CSNK1G1: variants seen among roughly 807,000 people sequenced by gnomAD.
CSNK1G1 encodes casein kinase I isoform gamma-1.
In CSNK1G1, 22 loss-of-function variants were observed where a neutral mutation model predicts 59.6. That is an observed-to-expected ratio of 0.37 (90% CI 0.26 to 0.53). CSNK1G1 has a LOEUF of 0.53. Among genes scored for constraint, CSNK1G1 ranks in the 20% least tolerant of loss-of-function variants. The probability of loss-of-function intolerance (pLI) is 0.89; values close to 1 mark genes in which losing one functional copy is unlikely to be tolerated. For missense variants in CSNK1G1, 384 were observed against 519.5 expected (o/e 0.74, Z 2.54); for synonymous variants, 179 against 177.1 (o/e 1.01, Z -0.08).
At chr15:64,250,534 A>C (rs1892016487) in intron 4 of CSNK1G1, among the ~76,000 whole-genome samples, 1 of 152,190 alleles carries the variant, frequency 6.6e-6, no homozygotes. Context: ...ACTTGAGCCC[A>C]GGAGTTCAAG....
At chr15:64,345,529 A>T (rs564624131) in intron 1 of CSNK1G1, among the ~76,000 whole-genome samples, 1 of 152,202 alleles carries the variant, frequency 6.6e-6, no homozygotes, top group Non-Finnish European at 1.5e-5. Context: ...GCCCCTTTAC[A>T]ACCTGAAACA....
At chr15:64,206,997 C>T (rs1312427178) in intron 7 of CSNK1G1, among the ~76,000 whole-genome samples, 1 of 152,072 alleles carries the variant, frequency 6.6e-6, no homozygotes, top group South Asian at 2.1e-4. Flanking sequence ...CAGAAATTCC[C>T]TTACATACTG....
intron 4 of CSNK1G1, among the ~76,000 whole-genome samples, chr15:64,217,260 T>TATA (rs1213202598): frequency 2.0e-5 from 3 of 152,178 alleles, no homozygotes; most frequent in Non-Finnish European, 4.4e-5. Flanking sequence ...AGGGAGTCTC[T>TATA]ATAGTTTTTT....
intron 4 of CSNK1G1, among the ~76,000 whole-genome samples, chr15:64,233,308 G>C (rs1351611951): frequency 6.6e-6 from 1 of 152,124 alleles, no homozygotes; most frequent in East Asian, 1.9e-4. Flanking sequence ...GTGTAAAATA[G>C]AAATGTTTTT....
intron 10 of CSNK1G1, among the ~76,000 whole-genome samples, chr15:64,187,968 G>A (rs757846742): frequency 1.3e-5 from 2 of 152,136 alleles, no homozygotes; most frequent in Non-Finnish European, 2.9e-5. Context: ...CAGCTTATGC[G>A]TTAAGGCACA....
Position 64,214,025 on chromosome 15 carries a change from C to T in CSNK1G1, c.544G>A (p.Val182Ile). 1 of 1,614,074 alleles carries T rather than the reference C, an allele frequency of 6.2e-7. No homozygotes were observed. Among genetic ancestry groups the T allele is most frequent in the Non-Finnish European group, 8.5e-7 (1 of 1,179,966 alleles). ...IGRQGNKKEH[V>I]IHIIDFGLAK... The stretch of plus-strand genomic sequence containing the variant: ...AGTCCAAAGTCTATAATGTGTATAA[C>T]ATGCTCTTTCTTATTGCCTTGTCGA... The change falls in exon 6 of 12, where the codon GTT becomes ATT. Residue 182 changes from valine (V) to isoleucine (I), a missense_variant. Physicochemically the swap from Val to Ile is conservative, Grantham distance 29 (BLOSUM62 3). Around this residue, in one of 3 missense-constraint regions of CSNK1G1, gnomAD observed 325 missense variants for 440.9 expected, o/e 0.74. Transcript: ENST00000303052. This position sits in a 1 kb window ranked among gnomAD's most constrained non-coding sequence, Gnocchi z 4.3.
In CSNK1G1 at chr15:64,320,283, C is replaced by T. The variant is rs191330019; in HGVS notation, c.-224-19560G>A. On this transcript the variant is annotated intron_variant, in intron 1 of 11. Transcript: ENST00000303052. ...AAGAGGTTACAACGCTCAGAAGTACCGGATATTGATTCTTTACTGGGAAGG... is the reference window on the plus strand; with the variant it reads ...AAGAGGTTACAACGCTCAGAAGTACTGGATATTGATTCTTTACTGGGAAGG... Among the ~76,000 whole-genome samples, 49 of 152,140 alleles carry T rather than the reference C, an allele frequency of 3.2e-4. No individual in the cohort carries two copies. The East Asian group carries it at 7.7e-3, about 24-fold the overall frequency.
At chr15:64,224,506 G>A (rs369462806) in intron 4 of CSNK1G1, among the ~76,000 whole-genome samples, 17 of 152,068 alleles carry the variant, frequency 1.1e-4, no homozygotes, top group Non-Finnish European at 2.1e-4. Context: ...GAGATAATAC[G>A]TAGTATATCT....
At chr15:64,285,376 T>C (rs975157591) in intron 2 of CSNK1G1, among the ~76,000 whole-genome samples, 5 of 152,022 alleles carry the variant, frequency 3.3e-5, no homozygotes, top group African/African-American at 9.7e-5. Context: ...CCAAAAAAAA[T>C]TGCCCAAACC....
chr15:64,345,522 C>T (rs542284245), intron 1 of CSNK1G1, among the ~76,000 whole-genome samples: 1 of 152,192 alleles, frequency 6.6e-6, no homozygotes, highest in Non-Finnish European at 1.5e-5. Flanking sequence ...CTATCAAGCC[C>T]CTTTACAACC....
chr15:64,178,762 G>A (rs1194611489), intron 11 of CSNK1G1, among the ~76,000 whole-genome samples: 1 of 151,936 alleles, frequency 6.6e-6, no homozygotes, highest in Non-Finnish European at 1.5e-5. Flanking sequence ...TTACACGTGT[G>A]AGCCACTGCA....
chr15:64,251,403 G>A (rs1596161116), intron 4 of CSNK1G1, 109 bp downstream of exon 4: 1 of 701,218 alleles, frequency 1.4e-6, no homozygotes, highest in South Asian at 1.8e-5. Context: ...GCAAGCAGGG[G>A]AGATAGATGG....
At chr15:64,292,447 C>G (rs1027542773) in intron 2 of CSNK1G1, among the ~76,000 whole-genome samples, 2 of 152,110 alleles carry the variant, frequency 1.3e-5, no homozygotes, top group African/African-American at 4.8e-5. Context: ...CATCAGACAC[C>G]AAAGATGGAA....
At position 64,231,341 on chromosome 15, in the gene CSNK1G1, T is replaced by A. The variant is rs968975745; in HGVS notation, c.293-14628A>T. On this transcript the variant is annotated intron_variant, in intron 4 of 11. Transcript: ENST00000303052. Reference sequence around the variant, plus strand: ...ACCTCATCTCCAAATATATATATATTATATATATATTTATATTTTATATTT... The same window carrying A: ...ACCTCATCTCCAAATATATATATATAATATATATATTTATATTTTATATTT... Among the ~76,000 whole-genome samples the A allele has an allele frequency of 6.1e-5, 9 of 147,198 alleles. No homozygotes were observed. The East Asian group carries it at 1.2e-3, about 19-fold the overall frequency.
At chr15:64,185,866 A>AAC (rs2140219133) in intron 10 of CSNK1G1, among the ~76,000 whole-genome samples, 1 of 151,524 alleles carries the variant, frequency 6.6e-6, no homozygotes, top group African/African-American at 2.4e-5. Flanking sequence ...CATCTCGAAA[A>AAC]AAAAAAAAAA....
intron 1 of CSNK1G1, among the ~76,000 whole-genome samples, chr15:64,353,791 G>C (rs949742599): frequency 5.3e-5 from 8 of 151,978 alleles, no homozygotes; most frequent in African/African-American, 1.9e-4. Flanking sequence ...AATTGCCCCA[G>C]TGCATTCATT....
At chr15:64,255,852 C>T (rs1158786929) in intron 3 of CSNK1G1, among the ~76,000 whole-genome samples, 1 of 152,086 alleles carries the variant, frequency 6.6e-6, no homozygotes, top group African/African-American at 2.4e-5. Flanking sequence ...CAATTCAGGC[C>T]AGACTGGAAT....
At chr15:64,229,528 T>TTC (rs34099287) in intron 4 of CSNK1G1, among the ~76,000 whole-genome samples, 18,691 of 144,208 alleles carry the variant, frequency 0.13, 1,886 homozygotes, top group African/African-American at 0.3. Context: ...CTCTCTCTCT[T>TTC]TCTCTCTCTC....
chr15:64,264,716 A>T (rs1295723299), intron 2 of CSNK1G1, among the ~76,000 whole-genome samples: 1 of 152,246 alleles, frequency 6.6e-6, no homozygotes, highest in African/African-American at 2.4e-5. Flanking sequence ...GGATGCTTGA[A>T]TATATGCATA....
Sources: gnomAD v4.1 joint callset for allele counts (sites outside exome capture counted in the v4.1 genomes callset) on GRCh38, gnomAD v4.1.1 for gene constraint, gnomAD v4.1.1 regional missense constraint, Gnocchi (gnomAD v3.1) non-coding constraint, MANE v1.5 for transcripts, NCBI Gene and HGNC (gene_info 2026-07-23, HGNC 2026-07-21) for gene names.